GUCY1A1: variants seen among roughly 807,000 people sequenced by gnomAD.
The protein encoded by GUCY1A1 is guanylate cyclase soluble subunit alpha-1.
GUCY1A1 carries 48 observed loss-of-function variants against 64.5 expected under a neutral mutation model. The observed-to-expected ratio is 0.74, with a 90% confidence interval of 0.59 to 0.95. The LOEUF is 0.95. Ranked by LOEUF, GUCY1A1 falls within the 40% of genes least tolerant of loss-of-function variation. GUCY1A1 has a pLI of 0.00. For synonymous variants in GUCY1A1, 308 were observed against 303.4 expected, an observed-to-expected ratio of 1.02 and a Z score of -0.16; for missense variants, 804 against 825.3, an observed-to-expected ratio of 0.97 and a Z score of 0.32.
chr4:155,713,024 A>G, intron 6 of GUCY1A1, 74 bp from the exon 7 acceptor site: 1 of 1,285,226 alleles, frequency 7.8e-7, no homozygotes, highest in Non-Finnish European at 1.1e-6. Flanking sequence ...TACTGTATCT[A>G]CTTCCCCTTC....
intron 9 of GUCY1A1, among the ~76,000 whole-genome samples, chr4:155,727,223 C>A (rs1324761154): frequency 6.6e-6 from 1 of 151,922 alleles, no homozygotes; most frequent in Non-Finnish European, 1.5e-5. Context: ...GTGTTGCTAT[C>A]ATCAAGCTTT....
At chr4:155,704,103 T>C in intron 4 of GUCY1A1, 110 bp downstream of exon 4, 1 of 646,788 alleles carries the variant, frequency 1.5e-6, no homozygotes, top group East Asian at 2.6e-5. Flanking sequence ...CATTGTGGTA[T>C]GTCAGAAACT....
At chr4:155,683,665 A>C (rs897542637) in intron 2 of GUCY1A1, among the ~76,000 whole-genome samples, 17 of 152,216 alleles carry the variant, frequency 1.1e-4, no homozygotes, top group Admixed American at 9.8e-4. Flanking sequence ...AAAATTATGA[A>C]AAAGAGTCTG....
chr4:155,695,190 A>T (rs1730257901), intron 2 of GUCY1A1, among the ~76,000 whole-genome samples: 1 of 152,222 alleles, frequency 6.6e-6, no homozygotes, highest in African/African-American at 2.4e-5. Flanking sequence ...GTCCCATGAC[A>T]TCCCATGGGG....
intron 2 of GUCY1A1, among the ~76,000 whole-genome samples, chr4:155,670,966 T>C (rs1734073460): frequency 6.6e-6 from 1 of 152,192 alleles, no homozygotes. Flanking sequence ...CCTATCTATT[T>C]ATCCCCTTTT....
chr4:155,718,032 A>G (rs372382879), intron 8 of GUCY1A1, among the ~76,000 whole-genome samples: 33 of 152,206 alleles, frequency 2.2e-4, no homozygotes, highest in African/African-American at 8.0e-4. Context: ...GTGACATTTC[A>G]AAATTTCTAG....
At position 155,730,288 on chromosome 4, in the gene GUCY1A1, G is replaced by A. The variant is rs1477549263; in HGVS notation, c.*57G>A. On this transcript the variant is annotated 3_prime_UTR_variant, in exon 10 of 10. Coordinates refer to ENST00000506455, the MANE Select transcript of GUCY1A1 (RefSeq NM_001130682.3). ...GTTTGACTCATTGAAGATGTGTAGA[G>A]CCTCTGAAAGCACTTTAGGGATTGT... 1 of 1,063,420 alleles carries A rather than the reference G, an allele frequency of 9.4e-7. No homozygotes were observed. The allele number at this position is 1,063,420 out of a possible 1,614,324, so 65.9% of individuals were successfully genotyped here.
intron 2 of GUCY1A1, among the ~76,000 whole-genome samples, chr4:155,673,858 C>A (rs1426988160): frequency 1.3e-5 from 2 of 151,502 alleles, no homozygotes; most frequent in Non-Finnish European, 2.9e-5. Context: ...CCCTGAACTT[C>A]CAAGCCTAAA....
intron 3 of GUCY1A1, among the ~76,000 whole-genome samples, chr4:155,700,444 A>T (rs1730933713): frequency 6.6e-6 from 1 of 152,212 alleles, no homozygotes; most frequent in South Asian, 2.1e-4. Flanking sequence ...CAATGAAAAT[A>T]GTGACTTATC....
rs1332710926 is a variant in GUCY1A1, at chr4:155,717,222, G to T, written c.1636G>T (p.Ala546Ser). ...GGLHKESDTH[A>S]VQIALMALKM... ...ATTACACAAAGAGAGTGATACTCAT[G>T]CTGTTCAGATAGCGCTGATGGCCCT... The change falls in exon 8 of 10, where the codon GCT (alanine) becomes TCT (serine). Residue 546 changes from alanine to serine, a missense_variant. Physicochemically the swap from Ala to Ser is moderately conservative, Grantham distance 99. Transcript: ENST00000506455. The T allele has an allele frequency of 6.3e-7, 1 of 1,595,522 alleles. No individual in the cohort carries two copies. Among genetic ancestry groups the T allele is most frequent in the African/African-American group, 1.3e-5 (1 of 74,536 alleles).
At chr4:155,669,546 A>T (rs1323915870) in intron 2 of GUCY1A1, among the ~76,000 whole-genome samples, 1 of 152,110 alleles carries the variant, frequency 6.6e-6, no homozygotes, top group Admixed American at 6.5e-5. Flanking sequence ...CACAATGCTT[A>T]GTACTTATAA....
intron 2 of GUCY1A1, among the ~76,000 whole-genome samples, chr4:155,691,579 T>C (rs1729742617): frequency 6.6e-6 from 1 of 152,196 alleles, no homozygotes; most frequent in Admixed American, 6.5e-5. Flanking sequence ...GCAATTTGCT[T>C]TTAAGTTTTC....
chr4:155,723,767 A>C (rs1734289562), intron 9 of GUCY1A1, among the ~76,000 whole-genome samples: 1 of 151,784 alleles, frequency 6.6e-6, no homozygotes, highest in Non-Finnish European at 1.5e-5. Context: ...GTTTCAAGTG[A>C]TTCTCCTGCC....
chr4:155,726,486 A>T (rs1356390780), intron 9 of GUCY1A1, among the ~76,000 whole-genome samples: 1 of 152,002 alleles, frequency 6.6e-6, no homozygotes, highest in Non-Finnish European at 1.5e-5. Context: ...CACAAAATGC[A>T]GTTTTCTTTG....
chr4:155,679,901 T>G (rs1001457576), intron 2 of GUCY1A1, among the ~76,000 whole-genome samples: 4 of 152,334 alleles, frequency 2.6e-5, no homozygotes, highest in Non-Finnish European at 5.9e-5. Flanking sequence ...ATTGTGGATC[T>G]CTATCTCATT....
At chr4:155,707,746 G>A (rs536952994) in intron 4 of GUCY1A1, among the ~76,000 whole-genome samples, 5 of 152,062 alleles carry the variant, frequency 3.3e-5, no homozygotes, top group African/African-American at 1.2e-4. Context: ...GTTCTGGATG[G>A]TATATGTCAT....
rs998396760 is a variant in GUCY1A1, at chr4:155,733,668, A to G, written c.*3437A>G. 6.9e-6 allele frequency among the ~76,000 whole-genome samples: 1 copy of G among 144,374 alleles called. No individual in the cohort carries two copies. 94.7% of individuals were successfully genotyped at this position (144,374 alleles called of 152,430 possible). On this transcript the variant is annotated 3_prime_UTR_variant, in exon 10 of 10. Transcript: ENST00000506455. ...TTGTTCAAAATAGATTTTACAAAAGAAAAAAAAAAAAGAAGCAACATGAGT... is the reference window on the plus strand; with the variant it reads ...TTGTTCAAAATAGATTTTACAAAAGGAAAAAAAAAAAGAAGCAACATGAGT...
At chr4:155,670,840 T>C (rs1734047862) in intron 2 of GUCY1A1, among the ~76,000 whole-genome samples, 1 of 152,158 alleles carries the variant, frequency 6.6e-6, no homozygotes, top group Non-Finnish European at 1.5e-5. Context: ...CTCACCATAC[T>C]AAGAATTAGC....
intron 9 of GUCY1A1, among the ~76,000 whole-genome samples, chr4:155,729,613 C>A (rs1027753599): frequency 1.3e-5 from 2 of 151,710 alleles, no homozygotes; most frequent in Non-Finnish European, 2.9e-5. Flanking sequence ...TTTATGCCCA[C>A]AATTAGCATA....
Sources: allele counts gnomAD v4.1 joint callset (sites outside exome capture counted in the v4.1 genomes callset), GRCh38; gene constraint gnomAD v4.1.1; transcripts MANE v1.5; gene names NCBI Gene and HGNC (gene_info 2026-07-23, HGNC 2026-07-21).